RBFOX1: variants seen among roughly 807,000 people sequenced by gnomAD.
RBFOX1 encodes the protein RNA binding protein fox-1 homolog 1.
A neutral mutation model predicts 57.7 loss-of-function variants in RBFOX1; 8 were observed. The ratio of observed to expected loss-of-function variants is 0.14; its 90% CI spans 0.08 to 0.25. RBFOX1 has a LOEUF of 0.25. Ranked by LOEUF, RBFOX1 falls within the 10% of genes least tolerant of loss-of-function variation. The pLI is 1.00. For missense variants in RBFOX1, 611 were observed against 548.5 expected (o/e 1.11, Z -1.14); for synonymous variants, 326 against 222.4 (o/e 1.47, Z -4.15).
chr16:7,113,869 C>T (rs2065306175), intron 4 of RBFOX1, among the ~76,000 whole-genome samples: 1 of 152,122 alleles, frequency 6.6e-6, no homozygotes, highest in African/African-American at 2.4e-5. Flanking sequence ...CTCACAATGG[C>T]ACTCTCGGGT....
chr16:6,559,168 TGTAC>T (rs1567680213), intron 2 of RBFOX1, among the ~76,000 whole-genome samples: 3 of 149,262 alleles, frequency 2.0e-5, no homozygotes, highest in African/African-American at 7.7e-5. Flanking sequence ...ACTGTTTGTG[TGTAC>T]ATATATATAT....
chr16:6,955,374 G>A (rs546417536), intron 3 of RBFOX1, among the ~76,000 whole-genome samples: 7 of 125,452 alleles, frequency 5.6e-5, no homozygotes, highest in Admixed American at 7.8e-5. Context: ...ACACACACAC[G>A]TGCACATACA....
At chr16:7,451,161 GA>G (rs1196256044) in intron 4 of RBFOX1, among the ~76,000 whole-genome samples, 1 of 152,200 alleles carries the variant, frequency 6.6e-6, no homozygotes, top group Non-Finnish European at 1.5e-5. Flanking sequence ...TCTGGGGGAT[GA>G]GGTTGTGCAG....
chr16:7,617,794 G>T (rs765336977), intron 10 of RBFOX1, among the ~76,000 whole-genome samples: 1 of 152,086 alleles, frequency 6.6e-6, no homozygotes, highest in Admixed American at 6.6e-5. Context: ...CTGTCAATGC[G>T]GGTATAGTAC....
At chr16:5,369,460 C>T (rs900186785) in intron 1 of RBFOX1, among the ~76,000 whole-genome samples, 2 of 152,168 alleles carry the variant, frequency 1.3e-5, no homozygotes, top group Admixed American at 1.3e-4. Flanking sequence ...CTGCTCGGTA[C>T]CAGGCACTGC....
chr16:6,435,965 T>C (rs2094222002), intron 2 of RBFOX1, among the ~76,000 whole-genome samples: 1 of 152,082 alleles, frequency 6.6e-6, no homozygotes, highest in South Asian at 2.1e-4. Flanking sequence ...TGATGGTTTT[T>C]CATTCTTCTC....
intron 3 of RBFOX1, among the ~76,000 whole-genome samples, chr16:6,659,208 G>A (rs1479094445): frequency 6.8e-6 from 1 of 146,912 alleles, no homozygotes. Flanking sequence ...ATCAGTCAGG[G>A]GGAGAATCTG....
intron 3 of RBFOX1, among the ~76,000 whole-genome samples, chr16:5,704,520 T>A (rs577330654): frequency 6.6e-6 from 1 of 152,304 alleles, no homozygotes; most frequent in South Asian, 2.1e-4. Flanking sequence ...TAATAAAGAT[T>A]GGTGCATGTA....
intron 3 of RBFOX1, among the ~76,000 whole-genome samples, chr16:6,849,361 A>G (rs1285677676): frequency 1.3e-5 from 2 of 152,198 alleles, no homozygotes; most frequent in Non-Finnish European, 1.5e-5. Context: ...ATATAGTCTT[A>G]TACTTTAGAT....
At chr16:5,396,679 A>C (rs948520555) in intron 1 of RBFOX1, among the ~76,000 whole-genome samples, 9 of 152,158 alleles carry the variant, frequency 5.9e-5, no homozygotes, top group Non-Finnish European at 1.5e-5. Context: ...AGGAAAGATC[A>C]AGATTCAAGA....
chr16:6,396,087 A>G (rs918327004), intron 2 of RBFOX1, among the ~76,000 whole-genome samples: 3 of 150,694 alleles, frequency 2.0e-5, no homozygotes, highest in Admixed American at 6.6e-5. Context: ...AAAAAAAAAA[A>G]GGACAACTAA....
intron 3 of RBFOX1, among the ~76,000 whole-genome samples, chr16:6,809,139 G>C (rs1475239863): frequency 1.3e-5 from 2 of 152,162 alleles, no homozygotes; most frequent in East Asian, 1.9e-4. Flanking sequence ...TCAGCTGTTT[G>C]TGTACCTCAC....
chr16:5,350,831 C>T (rs1392782980), intron 1 of RBFOX1, among the ~76,000 whole-genome samples: 1 of 152,042 alleles, frequency 6.6e-6, no homozygotes, highest in Non-Finnish European at 1.5e-5. Flanking sequence ...CACCACTGCG[C>T]TCCAGCCTGG....
chr16:5,749,291 C>G lies in RBFOX1; in HGVS notation c.319-118012C>G, dbSNP rs146333699. On this transcript the variant is annotated intron_variant, in intron 3 of 19. Coordinates refer to the RBFOX1 transcript ENST00000641259. ...AACCCGACCTTTCTCTCTGGCTGCC[C>G]TTAACATTTTTTCCTTCATTTCAAC... 4.2e-3 allele frequency among the ~76,000 whole-genome samples: 634 copies of G among 152,238 alleles called. 6 individuals are homozygous for G. The highest frequency in any genetic ancestry group is 0.014 in the African/African-American group (594 of 41,534).
intron 4 of RBFOX1, among the ~76,000 whole-genome samples, chr16:5,997,600 A>C (rs1393513057): frequency 6.6e-6 from 1 of 152,200 alleles, no homozygotes; most frequent in Non-Finnish European, 1.5e-5. Flanking sequence ...AGGCACTCAC[A>C]TTGTGCCTCC....
chr16:6,076,166 T>G (rs187523525), intron 1 of RBFOX1, among the ~76,000 whole-genome samples: 1 of 151,830 alleles, frequency 6.6e-6, no homozygotes, highest in Non-Finnish European at 1.5e-5. Context: ...GGTGTGGTGG[T>G]GCATGCTCTA....
At chr16:6,789,577 G>T (rs1265552579) in intron 3 of RBFOX1, among the ~76,000 whole-genome samples, 1 of 152,160 alleles carries the variant, frequency 6.6e-6, no homozygotes, top group Non-Finnish European at 1.5e-5. Context: ...TGTATCCATA[G>T]ACAGTGGGGA....
chr16:5,574,218 C>G (rs2046380593), intron 2 of RBFOX1, among the ~76,000 whole-genome samples: 1 of 152,130 alleles, frequency 6.6e-6, no homozygotes, highest in African/African-American at 2.4e-5. Context: ...GAAACAAAGG[C>G]TCAGAAAGTG....
chr16:6,019,493 C>G lies in RBFOX1; in HGVS notation c.-626C>G. On this transcript the variant is annotated 5_prime_UTR_variant, in exon 1 of 16. Transcript: ENST00000550418. This position sits in a 1 kb window ranked among gnomAD's most constrained non-coding sequence, Gnocchi z 4.2. ...GGAATCCCTCCCCCTCCGCCCCAGC[C>G]CCCCAGCAGCACCCGCGGTGGGGCG... 2.9e-6 allele frequency: 3 copies of G among 1,017,812 alleles called. No individual in the cohort carries two copies. Among genetic ancestry groups the G allele is most frequent in the South Asian group, 4.6e-5 (1 of 21,658 alleles). 63.0% of individuals were successfully genotyped at this position (1,017,812 alleles called of 1,614,324 possible).
Sources: allele counts gnomAD v4.1 joint callset (sites outside exome capture counted in the v4.1 genomes callset), GRCh38; gene constraint gnomAD v4.1.1; non-coding constraint Gnocchi (gnomAD v3.1); transcripts MANE v1.5; gene names NCBI Gene and HGNC (gene_info 2026-07-23, HGNC 2026-07-21).